HMCN1: variants seen among roughly 807,000 people sequenced by gnomAD.
HMCN1 encodes hemicentin-1.
A neutral mutation model predicts 625.9 loss-of-function variants in HMCN1; 321 were observed. The observed-to-expected ratio is 0.51, with a 90% CI of 0.47 to 0.56. The LOEUF (loss-of-function observed/expected upper bound fraction) is 0.56. Ranked by LOEUF, HMCN1 falls within the 20% of genes least tolerant of loss-of-function variation. The probability of loss-of-function intolerance (pLI) is 0.00; values close to 1 mark genes in which losing one functional copy is unlikely to be tolerated. For synonymous variants in HMCN1, 2,425 were observed against 2,417.6 expected, an observed-to-expected ratio of 1.00 and a Z score of -0.09; for missense variants, 6,588 against 6,887.3, an observed-to-expected ratio of 0.96 and a Z score of 1.54.
chr1:186,053,762 G>T, intron 43 of HMCN1, 63 bp from the exon 44 acceptor site: 1 of 1,509,448 alleles, frequency 6.6e-7, no homozygotes, highest in Admixed American at 1.7e-5. Flanking sequence ...TGTCATACTT[G>T]GCAATGTATA....
At chr1:185,836,950 A>T (rs1392485212) in intron 1 of HMCN1, among the ~76,000 whole-genome samples, 6 of 151,792 alleles carry the variant, frequency 4.0e-5, no homozygotes, top group Non-Finnish European at 5.9e-5. Context: ...TTGCTGTAAA[A>T]ACATGATCTT....
chr1:186,170,907 G>A (rs1284009112), intron 100 of HMCN1, among the ~76,000 whole-genome samples: 1 of 152,166 alleles, frequency 6.6e-6, no homozygotes, highest in East Asian at 1.9e-4. Context: ...GGCACAGGGT[G>A]ATAAAGACTT....
intron 11 of HMCN1, among the ~76,000 whole-genome samples, chr1:185,951,531 G>T (rs929639138): frequency 1.3e-5 from 2 of 150,412 alleles, no homozygotes; most frequent in African/African-American, 4.9e-5. Context: ...GGTCTAGGGG[G>T]CTTCTGAGGC....
intron 15 of HMCN1, among the ~76,000 whole-genome samples, chr1:185,975,887 G>GACAC (rs144472059): frequency 6.0e-4 from 89 of 149,432 alleles, no homozygotes; most frequent in African/African-American, 1.9e-3. Flanking sequence ...TTATGCACCA[G>GACAC]ACACACACAC....
At chr1:185,889,326 G>A (rs1454639169) in intron 4 of HMCN1, among the ~76,000 whole-genome samples, 195 of 143,820 alleles carry the variant, frequency 1.4e-3, no homozygotes, top group Non-Finnish European at 2.2e-3. Flanking sequence ...AATTGCCCTG[G>A]CCAGAACTTC....
At position 186,045,880 on chromosome 1, in the gene HMCN1, ATTTAT is replaced by A; in HGVS notation, c.6480+22_6480+26del. The A allele has an allele frequency of 3.2e-6, 5 of 1,564,092 alleles. No individual in the cohort carries two copies. The highest frequency in any genetic ancestry group is 4.4e-6 in the Non-Finnish European group (5 of 1,134,948). On this transcript the variant is annotated intron_variant, in intron 41 of 106. Transcript: ENST00000271588. ...GTGTTAAAGGTAAGGATATGGATTC[ATTTAT>A]TTTACCTTATGTTATTAGAAGTTCA... is the stretch of plus-strand genomic sequence containing the variant.
intron 1 of HMCN1, among the ~76,000 whole-genome samples, chr1:185,767,040 G>C (rs1357595452): frequency 1.3e-5 from 2 of 151,512 alleles, no homozygotes. Context: ...AAACCAAGGG[G>C]CTGATAACAA....
At chr1:185,755,625 C>T (rs1356606676) in intron 1 of HMCN1, among the ~76,000 whole-genome samples, 2 of 152,198 alleles carry the variant, frequency 1.3e-5, no homozygotes, top group East Asian at 3.9e-4. Context: ...TCAAGTATCA[C>T]TCCATCAGCT....
At chr1:186,080,285 G>A (rs542938036) in intron 55 of HMCN1, among the ~76,000 whole-genome samples, 288 of 152,196 alleles carry the variant, frequency 1.9e-3, no homozygotes, top group African/African-American at 6.6e-3. Flanking sequence ...CCACAAGATA[G>A]CATCTACATC....
At chr1:186,034,135 A>G (rs563065071) in intron 36 of HMCN1, among the ~76,000 whole-genome samples, 1 of 152,310 alleles carries the variant, frequency 6.6e-6, no homozygotes, top group Non-Finnish European at 1.5e-5. Context: ...TATCAGAGTG[A>G]TATAATGTGA....
At chr1:185,907,656 T>G (rs778998025) in intron 4 of HMCN1, among the ~76,000 whole-genome samples, 1 of 151,998 alleles carries the variant, frequency 6.6e-6, no homozygotes, top group Non-Finnish European at 1.5e-5. Context: ...TCTTTCATAG[T>G]CAGATTACTT....
chr1:185,735,796 T>C (rs545287487), intron 1 of HMCN1, among the ~76,000 whole-genome samples: 4 of 152,200 alleles, frequency 2.6e-5, no homozygotes, highest in African/African-American at 9.7e-5. Flanking sequence ...TTTCAGTTTC[T>C]CTTTAAAGTA....
intron 106 of HMCN1, 99 bp from the exon 107 acceptor site, chr1:186,189,413 A>C: frequency 7.6e-7 from 1 of 1,322,194 alleles, no homozygotes; most frequent in Non-Finnish European, 1.1e-6. Context: ...TGCCTACTGC[A>C]TGCAGTGCCT....
At chr1:186,165,588 A>C (rs1303598230) in intron 98 of HMCN1, among the ~76,000 whole-genome samples, 1 of 152,226 alleles carries the variant, frequency 6.6e-6, no homozygotes, top group Non-Finnish European at 1.5e-5. Context: ...TGGACTTATG[A>C]CTAATGATTA....
chr1:185,765,006 C>T lies in HMCN1; in HGVS notation c.268+29959C>T, dbSNP rs74133298. Among the ~76,000 whole-genome samples, 1,388 of 152,262 alleles carry T rather than the reference C, an allele frequency of 9.1e-3. 21 individuals are homozygous for T. The highest frequency in any genetic ancestry group is 0.03 in the African/African-American group (1,253 of 41,568). On this transcript the variant is annotated intron_variant, in intron 1 of 106. Transcript: ENST00000271588. Reference sequence around the variant, plus strand: ...TAACTCACCCTCCTGCATCCTGCTGCACCACAGCTGATTGCATGGGGAGAG... The same window carrying T: ...TAACTCACCCTCCTGCATCCTGCTGTACCACAGCTGATTGCATGGGGAGAG...
chr1:185,882,085 A>G (rs1425791320), intron 4 of HMCN1, among the ~76,000 whole-genome samples: 1 of 152,198 alleles, frequency 6.6e-6, no homozygotes, highest in African/African-American at 2.4e-5. Flanking sequence ...TTCCTATTTG[A>G]AGATCTATCA....
At chr1:186,162,517 C>T (rs920907757) in intron 97 of HMCN1, among the ~76,000 whole-genome samples, 1 of 152,172 alleles carries the variant, frequency 6.6e-6, no homozygotes, top group African/African-American at 2.4e-5. Flanking sequence ...AGTTTTTCTG[C>T]TCTGTTTTTT....
intron 11 of HMCN1, among the ~76,000 whole-genome samples, chr1:185,952,222 G>T (rs1037669243): frequency 6.6e-6 from 1 of 151,840 alleles, no homozygotes; most frequent in African/African-American, 2.4e-5. Flanking sequence ...CTGGGCAGGA[G>T]GGGGAGGGCT....
At position 186,119,782 on chromosome 1, in the gene HMCN1, C is replaced by T. The variant is rs1381348187; in HGVS notation, c.11994C>T (p.His3998=). Reference sequence around the variant, plus strand: ...TTCAGCCCCAACCAAGTGAACTACACGTCATTCTGAACAATCCTATTTTAT... The same window carrying T: ...TTCAGCCCCAACCAAGTGAACTACATGTCATTCTGAACAATCCTATTTTAT... ...PVIQPQPSEL[H]VILNNPILLP... Residue 3998 remains histidine, a synonymous_variant, in exon 79 of 107, where the codon CAC becomes CAT. Transcript: ENST00000271588. 2.5e-6 allele frequency: 4 copies of T among 1,613,932 alleles called. No individual in the cohort carries two copies. Among genetic ancestry groups the T allele is most frequent in the South Asian group, 1.1e-5 (1 of 91,078 alleles).
Sources: allele counts gnomAD v4.1 joint callset (sites outside exome capture counted in the v4.1 genomes callset), GRCh38; gene constraint gnomAD v4.1.1; transcripts MANE v1.5; gene names NCBI Gene and HGNC (gene_info 2026-07-23, HGNC 2026-07-21).